The following NKAIN3 variants were observed in gnomAD, a reference collection of about 807,000 sequenced individuals.
The protein encoded by NKAIN3 is sodium/potassium transporting ATPase interacting 3.
In NKAIN3, 25 loss-of-function variants were observed where a neutral mutation model predicts 30.2. The ratio of observed to expected loss-of-function variants is 0.83; its 90% CI spans 0.60 to 1.16. NKAIN3 has a LOEUF of 1.16. Ranked by LOEUF, NKAIN3 falls within the 50% of genes most tolerant of loss-of-function variation. The probability of loss-of-function intolerance (pLI) is 0.00; values close to 1 mark genes in which losing one functional copy is unlikely to be tolerated. For synonymous variants in NKAIN3, 91 were observed against 89.6 expected (o/e 1.02, Z -0.09); for missense variants, 225 against 254.1 (o/e 0.89, Z 0.78).
chr8:62,319,225 C>T (rs1425988834), intron 1 of NKAIN3, among the ~76,000 whole-genome samples: 3 of 151,906 alleles, frequency 2.0e-5, no homozygotes, highest in Admixed American at 2.0e-4. Flanking sequence ...CTTCTCTTTT[C>T]TTCTTTATTA....
Position 62,982,396 on chromosome 8 carries a change from A to G in NKAIN3, c.*16989A>G, listed in dbSNP as rs1248620897. The G allele has an allele frequency of 2.0e-5, 3 of 152,212 alleles. No individual in the cohort carries two copies. The highest frequency in any genetic ancestry group is 2.1e-4 in the South Asian group (1 of 4,826). 9.4% of individuals were successfully genotyped at this position (152,212 alleles called of 1,614,324 possible). A position where few individuals can be genotyped will look rare whatever the true frequency, so the allele number is the denominator to read the frequency against. On this transcript the variant is annotated 3_prime_UTR_variant, in exon 7 of 7. Transcript: ENST00000623646. ...TCAATGTGGCGTTTCTGTTTCTTCC[A>G]TAACCTCACAACGATATGTGGTGGC...
chr8:62,657,141 A>G (rs1450619997), intron 3 of NKAIN3, among the ~76,000 whole-genome samples: 1 of 152,190 alleles, frequency 6.6e-6, no homozygotes, highest in Non-Finnish European at 1.5e-5. Context: ...GGCTGCCTAT[A>G]TATGGAATTC....
At chr8:62,879,955 G>T (rs1211157836) in intron 4 of NKAIN3, among the ~76,000 whole-genome samples, 2 of 152,048 alleles carry the variant, frequency 1.3e-5, no homozygotes, top group Non-Finnish European at 2.9e-5. Flanking sequence ...CTTAGCCTTG[G>T]GTCCATCTTC....
Position 62,966,093 on chromosome 8 carries a change from C to T in NKAIN3, c.*686C>T, listed in dbSNP as rs527794074. On this transcript the variant is annotated 3_prime_UTR_variant, in exon 7 of 7. Coordinates refer to ENST00000623646, the MANE Select transcript of NKAIN3 (RefSeq NM_001304533.3). ...TAAAAGGATTAGTAGAACCCCTTTCCCCTTTGGAGGGAATATGGGTGTCTC... is the reference window on the plus strand; with the variant it reads ...TAAAAGGATTAGTAGAACCCCTTTCTCCTTTGGAGGGAATATGGGTGTCTC... The T allele has an allele frequency of 7.1e-6, 7 of 984,330 alleles. No homozygotes were observed. The highest frequency in any genetic ancestry group is 8.4e-6 in the Non-Finnish European group (7 of 829,224). The allele number at this position is 984,330 out of a possible 1,614,324, so 61.0% of individuals were successfully genotyped here.
chr8:62,338,919 A>G (rs1396240545), intron 1 of NKAIN3, among the ~76,000 whole-genome samples: 4 of 152,010 alleles, frequency 2.6e-5, no homozygotes. Context: ...CTCTTTTGGC[A>G]ACACCCTCAT....
chr8:62,972,847 C>T lies in NKAIN3; in HGVS notation c.*7440C>T, dbSNP rs1485456969. On this transcript the variant is annotated 3_prime_UTR_variant, in exon 7 of 7. Coordinates refer to ENST00000623646, the MANE Select transcript of NKAIN3 (RefSeq NM_001304533.3). Reference sequence around the variant, plus strand: ...CCTTGTCCCCCACTCCCCAACAGGCCCTGGTGTGTGATGTTCCCCTCCCTG... The same window carrying T: ...CCTTGTCCCCCACTCCCCAACAGGCTCTGGTGTGTGATGTTCCCCTCCCTG... 1.6e-4 allele frequency among the ~76,000 whole-genome samples: 24 copies of T among 151,696 alleles called. No individual in the cohort carries two copies. The highest frequency in any genetic ancestry group is 1.6e-3 in the Admixed American group (24 of 15,212).
At chr8:62,893,157 C>T (rs574660360) in intron 4 of NKAIN3, among the ~76,000 whole-genome samples, 46 of 152,242 alleles carry the variant, frequency 3.0e-4, no homozygotes, top group African/African-American at 9.9e-4. Flanking sequence ...AAAGGTTGAG[C>T]TCAGGGCAAC....
intron 1 of NKAIN3, among the ~76,000 whole-genome samples, chr8:62,367,949 A>T (rs1221914044): frequency 1.3e-5 from 2 of 152,146 alleles, no homozygotes; most frequent in Admixed American, 1.3e-4. Context: ...TCATAAAAAG[A>T]AAGTAAGAAA....
At chr8:62,874,654 G>A (rs184781860) in intron 4 of NKAIN3, among the ~76,000 whole-genome samples, 1 of 152,244 alleles carries the variant, frequency 6.6e-6, no homozygotes, top group African/African-American at 2.4e-5. Context: ...ATGCAAGGCT[G>A]GTTCAACATA....
intron 1 of NKAIN3, among the ~76,000 whole-genome samples, chr8:62,349,845 A>T (rs961147949): frequency 2.0e-5 from 3 of 152,158 alleles, no homozygotes; most frequent in Non-Finnish European, 4.4e-5. Flanking sequence ...GCCTTGTTTC[A>T]TCTCTTCCTC....
chr8:62,756,670 A>G (rs1471609886), intron 4 of NKAIN3, among the ~76,000 whole-genome samples: 1 of 152,160 alleles, frequency 6.6e-6, no homozygotes, highest in Admixed American at 6.5e-5. Flanking sequence ...TCTTATATAA[A>G]TCCAATATTA....
chr8:62,763,259 A>AAAAAAAAAAAAC (rs1563551311), intron 4 of NKAIN3, among the ~76,000 whole-genome samples: 13 of 140,378 alleles, frequency 9.3e-5, no homozygotes, highest in African/African-American at 3.3e-4. Flanking sequence ...AAAAAAAAAA[A>AAAAAAAAAAAAC]AACTTATATA....
chr8:62,835,512 C>T (rs1819332336), intron 4 of NKAIN3, among the ~76,000 whole-genome samples: 1 of 152,012 alleles, frequency 6.6e-6, no homozygotes, highest in Non-Finnish European at 1.5e-5. Flanking sequence ...CCAGTAATCC[C>T]ATTAAAAAGT....
At chr8:62,860,685 A>G (rs527380540) in intron 4 of NKAIN3, among the ~76,000 whole-genome samples, 71 of 152,306 alleles carry the variant, frequency 4.7e-4, no homozygotes, top group Non-Finnish European at 8.5e-4. Context: ...TCCATATGCA[A>G]TGCTGTCAGA....
At chr8:62,371,698 C>T (rs1425463253) in intron 1 of NKAIN3, among the ~76,000 whole-genome samples, 1 of 151,844 alleles carries the variant, frequency 6.6e-6, no homozygotes, top group African/African-American at 2.4e-5. Context: ...TTATTTAATA[C>T]ACTTTAAAAT....
chr8:62,313,802 A>C (rs1283741290), intron 1 of NKAIN3, among the ~76,000 whole-genome samples: 2 of 152,198 alleles, frequency 1.3e-5, no homozygotes, highest in East Asian at 3.9e-4. Flanking sequence ...CACTAAGTTC[A>C]CATTCAGGCC....
At chr8:62,856,139 C>A (rs1374340518) in intron 4 of NKAIN3, 5 of 721,194 alleles carry the variant, frequency 6.9e-6, no homozygotes, top group Non-Finnish European at 1.3e-5. Context: ...TAATCTGAGA[C>A]TCCCATAGAT....
intron 2 of NKAIN3, among the ~76,000 whole-genome samples, chr8:62,585,194 C>A (rs1810430987): frequency 6.6e-6 from 1 of 152,108 alleles, no homozygotes; most frequent in Non-Finnish European, 1.5e-5. Flanking sequence ...CTGACTTACT[C>A]CTCAAGACTT....
intron 1 of NKAIN3, chr8:62,473,229 T>C (rs1378240115): frequency 3.3e-5 from 5 of 152,210 alleles, no homozygotes; most frequent in African/African-American, 1.2e-4. Context: ...GAAAGGATGA[T>C]TTGTAATTGT....
Sources: allele counts gnomAD v4.1 joint callset (sites outside exome capture counted in the v4.1 genomes callset), GRCh38; gene constraint gnomAD v4.1.1; transcripts MANE v1.5; gene names NCBI Gene and HGNC (gene_info 2026-07-23, HGNC 2026-07-21).